Variants in SAXO1 observed in about 807,000 individuals in gnomAD.
SAXO1 encodes the protein 4930500O09Rik.
SAXO1 carries 21 observed loss-of-function variants against 17.5 expected under a neutral mutation model. The observed-to-expected ratio is 1.20, with a 90% CI of 0.85 to 1.72. The LOEUF is 1.72. SAXO1 is among the 40% of genes most tolerant of loss of function. The pLI, the probability that SAXO1 is intolerant of heterozygous loss-of-function variation, is 0.00. For missense variants in SAXO1, 843 were observed against 596.0 expected (o/e 1.41, Z -4.32); for synonymous variants, 274 against 216.5 (o/e 1.27, Z -2.33).
At chr9:19,044,581 C>A (rs1315935258) in intron 1 of SAXO1, among the ~76,000 whole-genome samples, 2 of 152,148 alleles carry the variant, frequency 1.3e-5, no homozygotes, top group Non-Finnish European at 2.9e-5. Flanking sequence ...AAAGCTGAAT[C>A]CGGCGGGCGC....
chr9:19,036,040 G>A (rs1309190740), upstream of SAXO1, among the ~76,000 whole-genome samples: 4 of 151,176 alleles, frequency 2.6e-5, no homozygotes, highest in Non-Finnish European at 4.4e-5. Context: ...TCACTCATAA[G>A]TGGGAGCTGA....
intron 1 of SAXO1, among the ~76,000 whole-genome samples, chr9:19,001,145 C>T (rs1211725761): frequency 6.6e-6 from 1 of 152,240 alleles, no homozygotes; most frequent in Non-Finnish European, 1.5e-5. Flanking sequence ...ACATTCTTCT[C>T]AGCATTACAT....
intron 1 of SAXO1, among the ~76,000 whole-genome samples, chr9:19,040,972 G>A (rs1836065045): frequency 6.8e-6 from 1 of 146,362 alleles, no homozygotes; most frequent in African/African-American, 2.7e-5. Flanking sequence ...AGAATAAAGG[G>A]CATCCAAATT....
chr9:18,952,570 T>C (rs1832076627), intron 1 of SAXO1, among the ~76,000 whole-genome samples: 1 of 152,246 alleles, frequency 6.6e-6, no homozygotes, highest in South Asian at 2.1e-4. Flanking sequence ...TATTAACAAG[T>C]ACCATTAGAG....
chr9:18,947,442 C>T (rs964882440), intron 2 of SAXO1, among the ~76,000 whole-genome samples: 1 of 152,162 alleles, frequency 6.6e-6, no homozygotes, highest in Non-Finnish European at 1.5e-5. Flanking sequence ...CCACACCCAT[C>T]AAGTCTGAAC....
At position 18,928,388 on chromosome 9, in the gene SAXO1, C is replaced by A. The variant is rs1347163009; in HGVS notation, c.1089G>T (p.Leu363Phe). Residue 363 changes from leucine to phenylalanine, a missense_variant, in exon 4 of 4, where the codon TTG (leucine) becomes TTT (phenylalanine). Transcript: ENST00000380534. ...EPVKPVPQLDLPTEPLDCLTT... is the reference protein window; with the variant it reads ...EPVKPVPQLDFPTEPLDCLTT... ...TCAGGCAGTCCAGGGGCTCGGTGGG[C>A]AAGTCCAGCTGGGGAACGGGCTTGA... 1.2e-6 allele frequency: 2 copies of A among 1,611,308 alleles called. No homozygotes were observed. The highest frequency in any genetic ancestry group is 1.7e-5 in the Admixed American group (1 of 59,724).
intron 1 of SAXO1, among the ~76,000 whole-genome samples, chr9:19,018,490 T>G (rs1015801224): frequency 6.6e-6 from 1 of 152,216 alleles, no homozygotes; most frequent in Non-Finnish European, 1.5e-5. Context: ...TCATTCCAGC[T>G]TTGCAATGGA....
rs1327327897 is a variant in SAXO1 at position 18,928,841 on chromosome 9, C to T, written c.636G>A (p.Val212=). The change falls in exon 4 of 4, where the codon GTG becomes GTA. Residue 212 remains valine, a synonymous_variant. Transcript: ENST00000380534. ...EDVTNYKMSY[V]AHPVEKRFVH... is the part of the protein sequence containing the mutation. ...CAAAGCGCTTCTCCACGGGGTGGGC[C>T]ACATAGCTCATCTTGTAGTTAGTCA... 1.2e-6 allele frequency: 2 copies of T among 1,614,026 alleles called. No homozygotes were observed. Among genetic ancestry groups the T allele is most frequent in the Non-Finnish European group, 1.7e-6 (2 of 1,180,042 alleles).
At chr9:18,931,164 G>A (rs1397102012) in intron 3 of SAXO1, among the ~76,000 whole-genome samples, 1 of 152,140 alleles carries the variant, frequency 6.6e-6, no homozygotes, top group Non-Finnish European at 1.5e-5. Flanking sequence ...ATCTTCATTT[G>A]TAGTCAGTCT....
intron 1 of SAXO1, among the ~76,000 whole-genome samples, chr9:18,964,507 G>A (rs1389139038): frequency 1.3e-5 from 2 of 152,146 alleles, no homozygotes; most frequent in Non-Finnish European, 1.5e-5. Flanking sequence ...TTAGGAGAAT[G>A]TATGTTTCCA....
At chr9:18,934,019 C>A (rs1831180520) in intron 3 of SAXO1, among the ~76,000 whole-genome samples, 1 of 152,090 alleles carries the variant, frequency 6.6e-6, no homozygotes, top group African/African-American at 2.4e-5. Context: ...TGCACTCCAG[C>A]CTGAGTGACA....
intron 1 of SAXO1, chr9:19,028,195 C>T: frequency 8.8e-7 from 1 of 1,132,614 alleles, no homozygotes; most frequent in Non-Finnish European, 1.3e-6. Flanking sequence ...GGTTTAGAGG[C>T]AAAATAAAAC....
At chr9:19,013,540 A>ATT (rs1219136885) in intron 1 of SAXO1, among the ~76,000 whole-genome samples, 5,534 of 93,162 alleles carry the variant, frequency 0.059, 594 homozygotes, top group African/African-American at 0.11. Context: ...AAAAGTACGG[A>ATT]TTTTTTTTTT....
intron 1 of SAXO1, among the ~76,000 whole-genome samples, chr9:18,981,427 C>A (rs1367564310): frequency 6.6e-6 from 1 of 152,190 alleles, no homozygotes. Flanking sequence ...ACTCAGGCTT[C>A]CTCCTGACCC....
At chr9:18,952,839 A>G (rs1343040271) in intron 1 of SAXO1, among the ~76,000 whole-genome samples, 1 of 152,224 alleles carries the variant, frequency 6.6e-6, no homozygotes, top group Admixed American at 6.5e-5. Flanking sequence ...CTTGGCACTT[A>G]GTGTACAAAG....
At chr9:19,021,848 A>G (rs1835246657) in intron 1 of SAXO1, among the ~76,000 whole-genome samples, 1 of 151,560 alleles carries the variant, frequency 6.6e-6, no homozygotes, top group East Asian at 1.9e-4. Flanking sequence ...AAATGGACCA[A>G]TCAGCACTCT....
intron 1 of SAXO1, among the ~76,000 whole-genome samples, chr9:18,998,496 A>T (rs773184629): frequency 1.3e-5 from 2 of 152,232 alleles, no homozygotes; most frequent in Non-Finnish European, 2.9e-5. Flanking sequence ...TGATTGGTGT[A>T]CCTGAAAGTG....
Position 19,049,110 on chromosome 9 carries a change from A to G in SAXO1, c.-158+99T>C, listed in dbSNP as rs552942510. On this transcript the variant is annotated intron_variant, in intron 1 of 3. Transcript: ENST00000542071. This position sits in a 1 kb window ranked among gnomAD's most constrained non-coding sequence, Gnocchi z 5.4. ...GGCTGCCCCTGCGGAAACCGGCCCG[A>G]CACACCTCGCTCCTAAAGCCAGTTG... is the stretch of plus-strand genomic sequence containing the variant. The G allele has an allele frequency of 6.5e-6, 1 of 152,702 alleles. No homozygotes were observed. The highest frequency in any genetic ancestry group is 1.9e-4 in the East Asian group (1 of 5,190). The allele number at this position is 152,702 out of a possible 1,614,324, so 9.5% of individuals were successfully genotyped here.
chr9:19,033,049 TG>T lies in SAXO1; in HGVS notation c.-142del. 1.2e-6 allele frequency: 1 copy of T among 829,406 alleles called. No homozygotes were observed. The highest frequency in any genetic ancestry group is 3.0e-5 in the East Asian group (1 of 33,786). 51.4% of individuals were successfully genotyped at this position (829,406 alleles called of 1,614,324 possible). A position where few individuals can be genotyped will look rare whatever the true frequency, so the allele number is the denominator to read the frequency against. On this transcript the variant is annotated 5_prime_UTR_variant, in exon 1 of 4. Transcript: ENST00000380534. ...CTGTTTACTCGAAGGAAAATTTAAG[TG>T]GCCCTTTTGCAATGTCCTGTCGTCT...
Sources: gnomAD v4.1 joint callset for allele counts (sites outside exome capture counted in the v4.1 genomes callset) on GRCh38, gnomAD v4.1.1 for gene constraint, Gnocchi (gnomAD v3.1) non-coding constraint, MANE v1.5 for transcripts, NCBI Gene and HGNC (gene_info 2026-07-23, HGNC 2026-07-21) for gene names.